The following KCNV1 variants were observed in gnomAD, a reference collection of about 807,000 sequenced individuals.
The protein encoded by KCNV1 is potassium voltage-gated channel modifier subfamily V member 1.
A neutral mutation model predicts 36.4 loss-of-function variants in KCNV1; 2 were observed. That is an observed-to-expected ratio of 0.05 (90% CI 0.02 to 0.17). The LOEUF (loss-of-function observed/expected upper bound fraction) is 0.17. Among genes scored for constraint, KCNV1 ranks in the 10% least tolerant of loss-of-function variants. The pLI is 1.00. For missense variants in KCNV1, 321 were observed against 643.6 expected, an observed-to-expected ratio of 0.50 and a Z score of 5.42; for synonymous variants, 280 against 261.1, an observed-to-expected ratio of 1.07 and a Z score of -0.70.
At position 109,968,247 on chromosome 8, in the gene KCNV1, A is replaced by G. The variant is rs1378569737; in HGVS notation, c.1344T>C (p.Arg448=). 4 of 1,614,166 alleles carry G rather than the reference A, an allele frequency of 2.5e-6. No homozygotes were observed. Among genetic ancestry groups the G allele is most frequent in the Admixed American group, 1.7e-5 (1 of 60,022 alleles). ...LKLKEAAVRQ[R]EALKKLTKNI... ...TCTTGGTAAGCTTCTTTAGGGCTTC[A>G]CGCTGTCTAACAGCTGCTTCCTTGA... The change falls in exon 4 of 4, where the codon CGT becomes CGC. Residue 448 remains arginine (R), a synonymous_variant. Transcript: ENST00000524391. The surrounding 1 kb of genome is among the most constrained non-coding windows in gnomAD (Gnocchi z 5.3).
rs1820051671 is a variant in KCNV1 at position 109,974,318 on chromosome 8, C to T, written c.71G>A (p.Ser24Asn). ...DSGSLTSLDSSVFCSEGEGEP... is the reference protein window; with the variant it reads ...DSGSLTSLDSNVFCSEGEGEP... ...CCCTTCACCCTCGCTGCAGAAGACA[C>T]TAGAGTCCAGGGAGGTCAGGGAGCC... is the stretch of plus-strand genomic sequence containing the variant. The change falls in exon 2 of 4, where the codon AGT (serine) becomes AAT (asparagine). Residue 24 changes from serine to asparagine, a missense_variant. Physicochemically the swap from Ser to Asn is conservative, Grantham distance 46. Coordinates refer to ENST00000524391, the MANE Select transcript of KCNV1 (RefSeq NM_014379.4). The surrounding 1 kb of genome is among the most constrained non-coding windows in gnomAD (Gnocchi z 6.2). The T allele has an allele frequency of 2.6e-6, 4 of 1,543,406 alleles. No homozygotes were observed. The highest frequency in any genetic ancestry group is 3.3e-4 in the Middle Eastern group (2 of 5,984).
At position 109,972,666 on chromosome 8, in the gene KCNV1, T is replaced by G; in HGVS notation, c.583A>C (p.Lys195Gln). 1 of 1,614,160 alleles carries G rather than the reference T, an allele frequency of 6.2e-7. No homozygotes were observed. The highest frequency in any genetic ancestry group is 8.5e-7 in the Non-Finnish European group (1 of 1,180,028). The stretch of plus-strand genomic sequence containing the variant: ...GGTTTCTCCAGGATATTCCAGAGCT[T>G]CTGGCGAACAGTGGGACAAGGTCCT... ...SQGPCPTVRQ[K>Q]LWNILEKPGS... Residue 195 changes from lysine to glutamine, a missense_variant, in exon 3 of 4, where the codon AAG (lysine) becomes CAG (glutamine). Physicochemically the swap from Lys to Gln is moderately conservative, Grantham distance 53. Around this residue, in one of 5 missense-constraint regions of KCNV1, gnomAD observed 141 missense variants for 225.0 expected, o/e 0.63. Transcript: ENST00000524391. The surrounding 1 kb of genome is among the most constrained non-coding windows in gnomAD (Gnocchi z 5.2).
In KCNV1 at chr8:109,968,303, G is replaced by A; in HGVS notation, c.1288C>T (p.Arg430Cys). The A allele has an allele frequency of 6.2e-7, 1 of 1,614,108 alleles. No homozygotes were observed. ...LALPIAIIND[R>C]FSACYFTLKL... ...AAGGTGAAGTAGCAAGCAGAGAAGC[G>A]ATCGTTAATAATAGCAATAGGCAAG... Residue 430 changes from arginine to cysteine, a missense_variant, in exon 4 of 4, where the codon CGC becomes TGC. By Grantham distance (180) the Arg-to-Cys change is radical. Coordinates refer to ENST00000524391, the MANE Select transcript of KCNV1 (RefSeq NM_014379.4). The surrounding 1 kb of genome is among the most constrained non-coding windows in gnomAD (Gnocchi z 5.3).
At position 109,971,656 on chromosome 8, in the gene KCNV1, C is replaced by A. The variant is rs573803902; in HGVS notation, c.991+602G>T. On this transcript the variant is annotated intron_variant, in intron 3 of 3. Coordinates refer to ENST00000524391, the MANE Select transcript of KCNV1 (RefSeq NM_014379.4). ...CATCCCAGGTTAGGGACAAGAAAACCTTCAGATACTAGATAAAGCATTTAA... is the reference window on the plus strand; with the variant it reads ...CATCCCAGGTTAGGGACAAGAAAACATTCAGATACTAGATAAAGCATTTAA... 4.0e-5 allele frequency among the ~76,000 whole-genome samples: 6 copies of A among 151,828 alleles called. No individual in the cohort carries two copies. In the South Asian group the frequency reaches 8.3e-4, roughly 21 times the overall value.
In KCNV1 at chr8:109,963,655, A is replaced by G. The variant is rs1819912585; in HGVS notation, c.*4433T>C. The G allele has an allele frequency of 6.6e-6, 1 of 152,202 alleles. No homozygotes were observed. The highest frequency in any genetic ancestry group is 3.2e-3 in the Middle Eastern group (1 of 316). 9.4% of individuals were successfully genotyped at this position (152,202 alleles called of 1,614,324 possible). On this transcript the variant is annotated 3_prime_UTR_variant, in exon 4 of 4. Transcript: ENST00000524391. ...AGCATATATATTTTCTGCAACAGCT[A>G]ATCAAAATATTTTAATAAGCATAAG...
Position 109,963,996 on chromosome 8 carries a change from A to G in KCNV1, c.*4092T>C, listed in dbSNP as rs1563833235. 1 of 152,156 alleles carries G rather than the reference A, an allele frequency of 6.6e-6. No homozygotes were observed. The highest frequency in any genetic ancestry group is 1.5e-5 in the Non-Finnish European group (1 of 68,026). The allele number at this position is 152,156 out of a possible 1,614,324, so 9.4% of individuals were successfully genotyped here. A position where few individuals can be genotyped will look rare whatever the true frequency, so the allele number is the denominator to read the frequency against. On this transcript the variant is annotated 3_prime_UTR_variant, in exon 4 of 4. Coordinates refer to ENST00000524391, the MANE Select transcript of KCNV1 (RefSeq NM_014379.4). ...GGTTGCAACGAAAGCAAAAATTGGC[A>G]AATGGGATCTAATTAAACTCTAGAG...
At chr8:109,970,139 G>A (rs1819992420) in intron 3 of KCNV1, among the ~76,000 whole-genome samples, 2 of 152,014 alleles carry the variant, frequency 1.3e-5, no homozygotes, top group Admixed American at 1.3e-4. Flanking sequence ...AGATATTCTT[G>A]AATTATTAAC....
chr8:109,974,596 C>A lies in KCNV1; in HGVS notation c.-208G>T, dbSNP rs1047015784. On this transcript the variant is annotated 5_prime_UTR_variant, in exon 2 of 4. Coordinates refer to ENST00000524391, the MANE Select transcript of KCNV1 (RefSeq NM_014379.4). The surrounding 1 kb of genome is among the most constrained non-coding windows in gnomAD (Gnocchi z 6.2). ...GGGAGCCGGGAGTGCGCGGAAGCAG[C>A]GCACAAGTGGCAGAAAGAGGAGACA... 28 of 584,888 alleles carry A rather than the reference C, an allele frequency of 4.8e-5. 1 individual carries two copies. Among genetic ancestry groups the A allele is most frequent in the Middle Eastern group, 9.1e-4 (2 of 2,208 alleles). The allele number at this position is 584,888 out of a possible 1,614,324, so 36.2% of individuals were successfully genotyped here.
Position 109,972,086 on chromosome 8 carries a change from T to C in KCNV1, c.991+172A>G, listed in dbSNP as rs1265530329. Among the ~76,000 whole-genome samples the C allele has an allele frequency of 1.3e-5, 2 of 152,222 alleles. No homozygotes were observed. Among genetic ancestry groups the C allele is most frequent in the Non-Finnish European group, 2.9e-5 (2 of 68,040 alleles). Reference sequence around the variant, plus strand: ...AGAGCTCATTTCTCTATACCTGTGATAGCAACTTCAATGTTTTGCCTCCCA... The same window carrying C: ...AGAGCTCATTTCTCTATACCTGTGACAGCAACTTCAATGTTTTGCCTCCCA... On this transcript the variant is annotated intron_variant, in intron 3 of 3. Transcript: ENST00000524391. The surrounding 1 kb of genome is among the most constrained non-coding windows in gnomAD (Gnocchi z 5.2).
rs769061477 is a variant in KCNV1, at chr8:109,974,257, G to A, written c.132C>T (p.Asn44=). Residue 44 remains asparagine, a synonymous_variant, in exon 2 of 4, where the codon AAC becomes AAT. Coordinates refer to ENST00000524391, the MANE Select transcript of KCNV1 (RefSeq NM_014379.4). This position sits in a 1 kb window ranked among gnomAD's most constrained non-coding sequence, Gnocchi z 6.2. ...PLALGDCFTV[N]VGGSRFVLSQ... ...AGAGCACGAAGCGGCTGCCGCCCAC[G>A]TTGACCGTGAAGCAGTCCCCGAGCG... 2 of 1,556,574 alleles carry A rather than the reference G, an allele frequency of 1.3e-6. No homozygotes were observed. Among genetic ancestry groups the A allele is most frequent in the African/African-American group, 1.4e-5 (1 of 73,498 alleles).
rs1820023702 is a variant in KCNV1 at position 109,972,463 on chromosome 8, C to T, written c.786G>A (p.Leu262=). 1 of 1,614,170 alleles carries T rather than the reference C, an allele frequency of 6.2e-7. No homozygotes were observed. Among genetic ancestry groups the T allele is most frequent in the Non-Finnish European group, 8.5e-7 (1 of 1,180,040 alleles). ...WFTGEFVLRF[L]CVRDRCRFLR... is the part of the protein sequence containing the mutation. ...GGAAGCGACACCTGTCCCGCACACA[C>T]AGGAAGCGGAGGACAAACTCCCCGG... Residue 262 remains leucine, a synonymous_variant, in exon 3 of 4, where the codon CTG becomes CTA. Coordinates refer to ENST00000524391, the MANE Select transcript of KCNV1 (RefSeq NM_014379.4). The surrounding 1 kb of genome is among the most constrained non-coding windows in gnomAD (Gnocchi z 5.2).
In KCNV1 at chr8:109,967,090, T is replaced by C. The variant is rs1053883477; in HGVS notation, c.*998A>G. ...ATGAATGTCAAAATGCCTGCAAAGTTTGAACATTTGCTATTTACCCCAACA... is the reference window on the plus strand; with the variant it reads ...ATGAATGTCAAAATGCCTGCAAAGTCTGAACATTTGCTATTTACCCCAACA... On this transcript the variant is annotated 3_prime_UTR_variant, in exon 4 of 4. Coordinates refer to ENST00000524391, the MANE Select transcript of KCNV1 (RefSeq NM_014379.4). The C allele has an allele frequency of 1.3e-5, 2 of 152,192 alleles. No homozygotes were observed. Among genetic ancestry groups the C allele is most frequent in the African/African-American group, 4.8e-5 (2 of 41,468 alleles). 9.4% of individuals were successfully genotyped at this position (152,192 alleles called of 1,614,324 possible).
chr8:109,972,695 G>A lies in KCNV1; in HGVS notation c.554C>T (p.Ser185Phe), dbSNP rs1587137397. 1 of 1,614,212 alleles carries A rather than the reference G, an allele frequency of 6.2e-7. No individual in the cohort carries two copies. The part of the protein sequence containing the change: ...ESQHESEQDF[S>F]QGPCPTVRQK... The stretch of plus-strand genomic sequence containing the variant: ...GCGAACAGTGGGACAAGGTCCTTGG[G>A]AGAAGTCCTGTTCACTCTCATGTTG... The change falls in exon 3 of 4, where the codon TCC becomes TTC. Residue 185 changes from serine (S) to phenylalanine (F), a missense_variant. By Grantham distance (155) the Ser-to-Phe change is radical. Transcript: ENST00000524391. The surrounding 1 kb of genome is among the most constrained non-coding windows in gnomAD (Gnocchi z 5.2).
In KCNV1 at chr8:109,972,348, T is replaced by A; in HGVS notation, c.901A>T (p.Thr301Ser). The A allele has an allele frequency of 6.2e-7, 1 of 1,614,142 alleles. No homozygotes were observed. The highest frequency in any genetic ancestry group is 8.5e-7 in the Non-Finnish European group (1 of 1,180,020). Residue 301 changes from threonine to serine, a missense_variant, in exon 3 of 4, where the codon ACG becomes TCG. Thr to Ser is a moderately conservative substitution (Grantham distance 58). Around this residue, in one of 5 missense-constraint regions of KCNV1, gnomAD observed 141 missense variants for 225.0 expected, o/e 0.63. Transcript: ENST00000524391. This position sits in a 1 kb window ranked among gnomAD's most constrained non-coding sequence, Gnocchi z 5.2. The stretch of plus-strand genomic sequence containing the variant: ...CGCCCCACGTTCTCCAGCTCCTGCG[T>A]GGTCTGGCTCCCACTTAGGCTCTCT... ...LVESLSGSQT[T>S]QELENVGRIV...
intron 3 of KCNV1, among the ~76,000 whole-genome samples, chr8:109,971,150 G>C (rs1820006009): frequency 6.6e-6 from 1 of 152,172 alleles, no homozygotes; most frequent in Admixed American, 6.5e-5. Context: ...TAGCCAATTT[G>C]TTTGTGCTAA....
At chr8:109,975,519 C>A (rs985340461) in intron 1 of KCNV1, 100 bp downstream of exon 1, 1 of 151,538 alleles carries the variant, frequency 6.6e-6, no homozygotes, top group Non-Finnish European at 1.5e-5. Context: ...CCAGGTGAGA[C>A]TAGAAGTGTA....
rs1244683639 is a variant in KCNV1, at chr8:109,974,152, C to T, written c.237G>A (p.Gly79=). The T allele has an allele frequency of 6.2e-7, 1 of 1,606,044 alleles. No individual in the cohort carries two copies. Among genetic ancestry groups the T allele is most frequent in the Non-Finnish European group, 8.5e-7 (1 of 1,176,838 alleles). The part of the protein sequence containing the change: ...AVVVASYRRP[G]ALAAVPSPLE... ...GAGGGCTGGGCACGGCGGCCAGGGC[C>T]CCGGGGCGGCGGTAGGAAGCCACCA... Residue 79 remains glycine (G), a synonymous_variant, in exon 2 of 4, where the codon GGG becomes GGA. Transcript: ENST00000524391. The surrounding 1 kb of genome is among the most constrained non-coding windows in gnomAD (Gnocchi z 6.2).
Position 109,967,960 on chromosome 8 carries a change from A to G in KCNV1, c.*128T>C, listed in dbSNP as rs1195727254. On this transcript the variant is annotated 3_prime_UTR_variant, in exon 4 of 4. Coordinates refer to ENST00000524391, the MANE Select transcript of KCNV1 (RefSeq NM_014379.4). Reference sequence around the variant, plus strand: ...AATATTCTAGTAGATGAAGCAATATATCAGCAAAAATTAATTAAGATGAGC... The same window carrying G: ...AATATTCTAGTAGATGAAGCAATATGTCAGCAAAAATTAATTAAGATGAGC... 5.6e-6 allele frequency: 5 copies of G among 885,110 alleles called. No homozygotes were observed. The highest frequency in any genetic ancestry group is 5.3e-5 in the East Asian group (2 of 37,528). The allele number at this position is 885,110 out of a possible 1,614,324, so 54.8% of individuals were successfully genotyped here.
rs1339699318 is a variant in KCNV1 at position 109,972,781 on chromosome 8, G to T, written c.468C>A (p.Phe156Leu). The T allele has an allele frequency of 6.3e-7, 1 of 1,596,616 alleles. No individual in the cohort carries two copies. Among genetic ancestry groups the T allele is most frequent in the Admixed American group, 1.8e-5 (1 of 56,976 alleles). Residue 156 changes from phenylalanine to leucine, a missense_variant, in exon 3 of 4, where the codon TTC becomes TTA. Coordinates refer to ENST00000524391, the MANE Select transcript of KCNV1 (RefSeq NM_014379.4). This position sits in a 1 kb window ranked among gnomAD's most constrained non-coding sequence, Gnocchi z 5.2. ...AAGTTTCACTCAGCTCTTTCCTTCT[G>T]AAGTATCTTTTAGAGAAAACAATTT... ...SIDSCCRDRY[F>L]RRKELSETLD...
Sources: allele counts gnomAD v4.1 joint callset (sites outside exome capture counted in the v4.1 genomes callset), GRCh38; gene constraint gnomAD v4.1.1; regional missense constraint gnomAD v4.1.1; non-coding constraint Gnocchi (gnomAD v3.1); transcripts MANE v1.5; gene names NCBI Gene and HGNC (gene_info 2026-07-23, HGNC 2026-07-21).